The following REC114 variants were observed in gnomAD, a reference collection of about 807,000 sequenced individuals.
REC114 encodes the protein meiotic recombination protein REC114.
In REC114, 27 loss-of-function variants were observed where a neutral mutation model predicts 31.3. That is an observed-to-expected ratio of 0.86 (90% CI 0.64 to 1.19). The LOEUF (loss-of-function observed/expected upper bound fraction) is 1.19. Ranked by LOEUF, REC114 falls within the 50% of genes most tolerant of loss-of-function variation. The pLI, the probability that REC114 is intolerant of heterozygous loss-of-function variation, is 0.00. For synonymous variants in REC114, 134 were observed against 127.7 expected (o/e 1.05, Z -0.33); for missense variants, 344 against 326.9 (o/e 1.05, Z -0.40).
intron 2 of REC114, among the ~76,000 whole-genome samples, chr15:73,522,428 G>A (rs949286476): frequency 2.0e-5 from 3 of 152,128 alleles, no homozygotes; most frequent in Admixed American, 1.3e-4. Context: ...TAGAATATTT[G>A]TATTACCCTT....
chr15:73,481,732 C>T (rs1469457331), intron 2 of REC114, among the ~76,000 whole-genome samples: 1 of 144,730 alleles, frequency 6.9e-6, no homozygotes, highest in Admixed American at 7.2e-5. Context: ...AGTCTCGGCT[C>T]ACCGCAACCT....
chr15:73,486,694 C>T (rs1052277191), intron 2 of REC114, among the ~76,000 whole-genome samples: 1 of 152,168 alleles, frequency 6.6e-6, no homozygotes, highest in African/African-American at 2.4e-5. Flanking sequence ...GCTGCATCCT[C>T]CATAGGGGAG....
intron 2 of REC114, among the ~76,000 whole-genome samples, chr15:73,478,239 C>G (rs921093694): frequency 7.6e-5 from 9 of 118,394 alleles, no homozygotes; most frequent in Admixed American, 1.2e-4. Flanking sequence ...ACTCCAGCCT[C>G]AGTGACAGAG....
chr15:73,491,174 G>A (rs946019962), intron 2 of REC114, among the ~76,000 whole-genome samples: 1 of 151,182 alleles, frequency 6.6e-6, no homozygotes, highest in African/African-American at 2.4e-5. Context: ...AAGTCTTTGT[G>A]TATTATCTTA....
chr15:73,478,232 C>A (rs973931324), intron 2 of REC114, among the ~76,000 whole-genome samples: 1 of 143,222 alleles, frequency 7.0e-6, no homozygotes, highest in Non-Finnish European at 1.5e-5. Context: ...CCACTGCACT[C>A]CAGCCTCAGT....
At chr15:73,462,783 G>T (rs142379026) in intron 1 of REC114, among the ~76,000 whole-genome samples, 1,721 of 151,564 alleles carry the variant, frequency 0.011, 29 homozygotes, top group African/African-American at 0.04. Flanking sequence ...TACTCCAGAG[G>T]CTGAGGCAGG....
At chr15:73,514,036 C>T (rs1893819230) in intron 2 of REC114, among the ~76,000 whole-genome samples, 1 of 152,152 alleles carries the variant, frequency 6.6e-6, no homozygotes, top group Non-Finnish European at 1.5e-5. Context: ...GGGCGCCCCT[C>T]CCCCAGCCTC....
At chr15:73,479,389 CAAACGAA>C (rs1567862033) in intron 2 of REC114, among the ~76,000 whole-genome samples, 2 of 151,496 alleles carry the variant, frequency 1.3e-5, no homozygotes, top group East Asian at 1.9e-4. Context: ...TGACTGTAGT[CAAACGAA>C]TTAACATATC....
intron 5 of REC114, among the ~76,000 whole-genome samples, chr15:73,557,661 A>T (rs1184164946): frequency 6.6e-6 from 1 of 152,228 alleles, no homozygotes; most frequent in Non-Finnish European, 1.5e-5. Flanking sequence ...CAGAGCTGCA[A>T]TAAAACAATA....
intron 1 of REC114, among the ~76,000 whole-genome samples, chr15:73,452,278 C>T (rs1008977598): frequency 6.6e-6 from 1 of 152,226 alleles, no homozygotes; most frequent in Admixed American, 6.5e-5. Context: ...TAAGCAACTT[C>T]AGCAAAGTCT....
intron 1 of REC114, among the ~76,000 whole-genome samples, chr15:73,444,736 T>C (rs1377725283): frequency 6.6e-6 from 1 of 152,240 alleles, no homozygotes; most frequent in Non-Finnish European, 1.5e-5. Flanking sequence ...GAATGGTGAA[T>C]CCTTTTCAGA....
intron 2 of REC114, among the ~76,000 whole-genome samples, chr15:73,510,875 G>A (rs1241442241): frequency 6.6e-6 from 1 of 152,154 alleles, no homozygotes; most frequent in Non-Finnish European, 1.5e-5. Flanking sequence ...TTGCATCAAT[G>A]TTCATCAAAG....
chr15:73,542,962 T>A (rs556958089), intron 3 of REC114, among the ~76,000 whole-genome samples: 49 of 122,018 alleles, frequency 4.0e-4, no homozygotes, highest in Middle Eastern at 3.9e-3. Context: ...TTTTTTTTTT[T>A]ATATAAATTT....
At chr15:73,525,171 A>G (rs540955826) in intron 2 of REC114, among the ~76,000 whole-genome samples, 1 of 152,298 alleles carries the variant, frequency 6.6e-6, no homozygotes, top group African/African-American at 2.4e-5. Flanking sequence ...GATTACAGAC[A>G]TGAGCCAAGT....
intron 2 of REC114, among the ~76,000 whole-genome samples, chr15:73,513,268 G>A (rs1419677418): frequency 1.3e-5 from 2 of 151,816 alleles, no homozygotes; most frequent in Non-Finnish European, 1.5e-5. Flanking sequence ...TCTTCACATA[G>A]TTCTTGAGCC....
At chr15:73,530,531 C>T (rs1240484001) in intron 2 of REC114, among the ~76,000 whole-genome samples, 1 of 152,066 alleles carries the variant, frequency 6.6e-6, no homozygotes, top group East Asian at 1.9e-4. Context: ...GCCTATGGTC[C>T]CAGCTATTCA....
chr15:73,525,487 T>C (rs530624325), intron 2 of REC114, among the ~76,000 whole-genome samples: 1 of 152,198 alleles, frequency 6.6e-6, no homozygotes, highest in South Asian at 2.1e-4. Context: ...AAGCTTTCCT[T>C]TGAGTACTAT....
intron 2 of REC114, among the ~76,000 whole-genome samples, chr15:73,491,234 C>CTATCTTTGTGTATTATCTTTTTTGTAT (rs1893438446): frequency 7.2e-6 from 1 of 139,376 alleles, no homozygotes; most frequent in African/African-American, 2.7e-5. Flanking sequence ...TCTTTGTGTA[C>CTATCTTTGTGTATTATCTTTTTTGTAT]TATCTTTGTG....
At chr15:73,492,982 C>A (rs1048217384) in intron 2 of REC114, among the ~76,000 whole-genome samples, 7 of 151,368 alleles carry the variant, frequency 4.6e-5, no homozygotes, top group Non-Finnish European at 1.0e-4. Context: ...TTATTTCTGC[C>A]ATTTTTTTTA....
Sources: allele counts gnomAD v4.1 joint callset (sites outside exome capture counted in the v4.1 genomes callset), GRCh38; gene constraint gnomAD v4.1.1; transcripts MANE v1.5; gene names NCBI Gene and HGNC (gene_info 2026-07-23, HGNC 2026-07-21).